PPHLN1: variants seen among roughly 807,000 people sequenced by gnomAD.
PPHLN1 encodes the protein periphilin-1.
PPHLN1 carries 29 observed loss-of-function variants against 51.3 expected under a neutral mutation model. That is an observed-to-expected ratio of 0.57 (90% CI 0.42 to 0.77). PPHLN1 has a LOEUF of 0.77. Ranked by LOEUF, PPHLN1 falls within the 30% of genes least tolerant of loss-of-function variation. The pLI, the probability that PPHLN1 is intolerant of heterozygous loss-of-function variation, is 0.00. For synonymous variants in PPHLN1, 147 were observed against 147.8 expected (o/e 0.99, Z 0.04); for missense variants, 436 against 438.4 (o/e 0.99, Z 0.05).
chr12:42,447,963 C>G (rs1367467209), downstream of PPHLN1: 2 of 152,184 alleles, frequency 1.3e-5, no homozygotes, highest in Non-Finnish European at 2.9e-5. Flanking sequence ...CTAAATCCCA[C>G]ATAACAACTC....
intron 4 of PPHLN1, among the ~76,000 whole-genome samples, chr12:42,371,331 T>A (rs1279304091): frequency 6.6e-6 from 1 of 151,992 alleles, no homozygotes; most frequent in East Asian, 1.9e-4. Flanking sequence ...TTGCCCATGC[T>A]GGTCTTACAC....
At chr12:42,355,408 A>T (rs1047441168) in intron 4 of PPHLN1, 186 bp downstream of exon 4, 31 of 502,134 alleles carry the variant, frequency 6.2e-5, no homozygotes, top group Non-Finnish European at 8.9e-5. Context: ...AGTGTTCCAC[A>T]TCTCTTGGCA....
intron 4 of PPHLN1, chr12:42,361,712 T>C (rs971044119): frequency 1.3e-5 from 2 of 152,244 alleles, no homozygotes; most frequent in African/African-American, 4.8e-5. Context: ...AATTTTTATG[T>C]ACACAATTCA....
rs2076138478 is a variant in PPHLN1, at chr12:42,375,060, A to G, written c.497A>G (p.Gln166Arg). ...PERSKSYSFH[Q>R]SQHRKSVRPG... ...AGGAGCAAATCATACTCTTTCCATC[A>G]GTCTCAACATAGAAGTATGTATTTT... The change falls in exon 5 of 10, where the codon CAG becomes CGG. Residue 166 changes from glutamine (Q) to arginine (R), a missense_variant. Physicochemically the swap from Gln to Arg is conservative, Grantham distance 43 (BLOSUM62 1). Coordinates refer to ENST00000358314, the MANE Select transcript of PPHLN1 (RefSeq NM_201439.2). 2 of 1,608,230 alleles carry G rather than the reference A, an allele frequency of 1.2e-6. No individual in the cohort carries two copies. The highest frequency in any genetic ancestry group is 2.7e-5 in the African/African-American group (2 of 74,676).
chr12:42,405,439 G>GA (rs954552018), intron 9 of PPHLN1, among the ~76,000 whole-genome samples: 3 of 152,184 alleles, frequency 2.0e-5, no homozygotes, highest in Middle Eastern at 3.2e-3. Flanking sequence ...GCTGCACTAA[G>GA]AAAATCTCAT....
intron 9 of PPHLN1, chr12:42,431,884 TC>T (rs2082065878): frequency 1.9e-6 from 3 of 1,592,116 alleles, no homozygotes; most frequent in Non-Finnish European, 1.7e-6. Flanking sequence ...AGTCATTCCA[TC>T]CATCAGAACA....
intron 9 of PPHLN1, 138 bp downstream of exon 9, chr12:42,399,132 G>A: frequency 7.0e-7 from 1 of 1,421,196 alleles, no homozygotes; most frequent in Non-Finnish European, 9.2e-7. Context: ...TATAAAAATT[G>A]TTTGAGTTGA....
intron 9 of PPHLN1, among the ~76,000 whole-genome samples, chr12:42,402,017 G>C (rs2139363584): frequency 6.6e-6 from 1 of 152,120 alleles, no homozygotes; most frequent in East Asian, 1.9e-4. Context: ...ACCACTCCCA[G>C]CTAATTTTTT....
At chr12:42,424,847 A>G (rs2081287953) in intron 9 of PPHLN1, among the ~76,000 whole-genome samples, 1 of 152,052 alleles carries the variant, frequency 6.6e-6, no homozygotes, top group South Asian at 2.1e-4. Context: ...AAGTTTTTCT[A>G]AGCATACAGA....
At chr12:42,412,258 C>T (rs571504959) in intron 9 of PPHLN1, among the ~76,000 whole-genome samples, 21 of 150,238 alleles carry the variant, frequency 1.4e-4, no homozygotes, top group Non-Finnish European at 2.8e-4. Flanking sequence ...CACCCTCCTG[C>T]TTGTGAGTCT....
rs77374366 is a variant in PPHLN1, at chr12:42,327,992, G to A, written c.-21+1763G>A. Among the ~76,000 whole-genome samples, 1,086 of 151,616 alleles carry A rather than the reference G, an allele frequency of 7.2e-3. 12 individuals carry two copies. Among genetic ancestry groups the A allele is most frequent in the African/African-American group, 0.025 (1,035 of 41,266 alleles). On this transcript the variant is annotated intron_variant, in intron 1 of 9. Transcript: ENST00000358314. ...ATTTTTTAAAAAGCATCCTCTCCCA[G>A]TTTTTAAATGTTGTCAGTGGAATAG...
intron 9 of PPHLN1, among the ~76,000 whole-genome samples, chr12:42,401,647 C>T (rs976421457): frequency 1.1e-4 from 17 of 152,094 alleles, no homozygotes; most frequent in African/African-American, 4.1e-4. Context: ...AGGTTGTGTG[C>T]CCTCTCACTC....
chr12:42,414,133 G>GCGATTCTCCTGCCTCTGGA (rs2080149761), intron 9 of PPHLN1, among the ~76,000 whole-genome samples: 1 of 151,690 alleles, frequency 6.6e-6, no homozygotes, highest in Admixed American at 6.6e-5. Flanking sequence ...GCCTCCCTGG[G>GCGATTCTCCTGCCTCTGGA]TCAAGCGATT....
intron 4 of PPHLN1, among the ~76,000 whole-genome samples, chr12:42,367,908 T>A (rs911869385): frequency 1.4e-4 from 21 of 152,288 alleles, no homozygotes; most frequent in Middle Eastern, 3.4e-3. Flanking sequence ...CTAATTTTTG[T>A]ATTTTTAATA....
intron 9 of PPHLN1, among the ~76,000 whole-genome samples, chr12:42,403,231 G>A (rs2078994263): frequency 6.6e-6 from 1 of 152,102 alleles, no homozygotes; most frequent in African/African-American, 2.4e-5. Flanking sequence ...CCACTATCTT[G>A]TCTAGACATC....
At chr12:42,351,859 T>C (rs772694233) in intron 2 of PPHLN1, 26 bp from the exon 3 acceptor site, 2 of 1,528,726 alleles carry the variant, frequency 1.3e-6, no homozygotes, top group South Asian at 1.3e-5. Context: ...TAGTCATTTG[T>C]ATATATTTCT....
At chr12:42,397,255 C>A (rs569418610) in intron 8 of PPHLN1, among the ~76,000 whole-genome samples, 1 of 152,114 alleles carries the variant, frequency 6.6e-6, no homozygotes. Context: ...TAATACAACT[C>A]AAGATCTTGA....
chr12:42,402,562 T>G (rs2078937973), intron 9 of PPHLN1, among the ~76,000 whole-genome samples: 1 of 152,224 alleles, frequency 6.6e-6, no homozygotes, highest in African/African-American at 2.4e-5. Flanking sequence ...CTGAATAATC[T>G]TAGGTCTCTT....
chr12:42,430,940 A>T (rs999031429), intron 9 of PPHLN1, among the ~76,000 whole-genome samples: 3 of 152,262 alleles, frequency 2.0e-5, no homozygotes, highest in Admixed American at 6.5e-5. Flanking sequence ...GTTTATATAG[A>T]ATAAGCCTTC....
Sources: allele counts gnomAD v4.1 joint callset (sites outside exome capture counted in the v4.1 genomes callset), GRCh38; gene constraint gnomAD v4.1.1; transcripts MANE v1.5; gene names NCBI Gene and HGNC (gene_info 2026-07-23, HGNC 2026-07-21).